Variants in ZNF223 observed in about 807,000 individuals in gnomAD.
ZNF223 encodes the protein Homo sapiens zinc finger protein 223.
ZNF223 carries 9 observed loss-of-function variants against 12.3 expected under a neutral mutation model. That is an observed-to-expected ratio of 0.73 (90% CI 0.44 to 1.28). ZNF223 has a LOEUF of 1.28. Among genes scored for constraint, ZNF223 ranks in the 50% most tolerant of loss-of-function variants. The pLI, the probability that ZNF223 is intolerant of heterozygous loss-of-function variation, is 0.00. For missense variants in ZNF223, 506 were observed against 579.0 expected, an observed-to-expected ratio of 0.87 and a Z score of 1.29; for synonymous variants, 171 against 195.2, an observed-to-expected ratio of 0.88 and a Z score of 1.03.
Position 44,067,106 on chromosome 19 carries a change from A to G in ZNF223, c.1278A>G (p.Lys426=), listed in dbSNP as rs557853223. The change falls in exon 5 of 5, where the codon AAA becomes AAG. Residue 426 remains lysine, a synonymous_variant. Coordinates refer to ENST00000434772, the MANE Select transcript of ZNF223 (RefSeq NM_013361.6). ...ATAAGAGACTCCATTGCCGAAAAAA[A>G]CCATTCAAATGTGAGGATTGTGGAA... ...LNHKRLHCRK[K]PFKCEDCGKK... 35 of 1,613,520 alleles carry G rather than the reference A, an allele frequency of 2.2e-5. No homozygotes were observed. In the South Asian group the frequency reaches 2.9e-4, roughly 13 times the overall value.
intron 4 of ZNF223, among the ~76,000 whole-genome samples, chr19:44,062,729 T>G (rs1669886991): frequency 1.3e-5 from 2 of 152,152 alleles, no homozygotes; most frequent in African/African-American, 4.8e-5. Context: ...CATATTTATA[T>G]CTGAGAAGAA....
At chr19:44,060,193 G>T (rs1311655386) in intron 2 of ZNF223, among the ~76,000 whole-genome samples, 2 of 152,010 alleles carry the variant, frequency 1.3e-5, no homozygotes, top group African/African-American at 4.8e-5. Flanking sequence ...GACTCCTAGG[G>T]GGCTACATAC....
At chr19:44,056,264 C>T (rs1976762149) in intron 2 of ZNF223, among the ~76,000 whole-genome samples, 1 of 150,924 alleles carries the variant, frequency 6.6e-6, no homozygotes, top group Admixed American at 6.6e-5. Context: ...ACCTGTAATC[C>T]CAGCACTTTT....
At position 44,067,324 on chromosome 19, in the gene ZNF223, A is replaced by G. The variant is rs1568516482; in HGVS notation, c.*47A>G. The G allele has an allele frequency of 1.3e-6, 2 of 1,501,974 alleles. No individual in the cohort carries two copies. Among genetic ancestry groups the G allele is most frequent in the South Asian group, 2.4e-5 (2 of 85,064 alleles). 93.0% of individuals were successfully genotyped at this position (1,501,974 alleles called of 1,614,324 possible). A position where few individuals can be genotyped will look rare whatever the true frequency, so the allele number is the denominator to read the frequency against. ...TACAGTGTGATATTTAAATATATGT[A>G]TATGATGTATAATGATCAAATCAGT... On this transcript the variant is annotated 3_prime_UTR_variant, in exon 5 of 5. Transcript: ENST00000434772.
intron 4 of ZNF223, among the ~76,000 whole-genome samples, chr19:44,065,577 C>CTTTTTT (rs758805971): frequency 8.8e-6 from 1 of 113,776 alleles, no homozygotes; most frequent in African/African-American, 3.1e-5. Flanking sequence ...TCTTTCTTTT[C>CTTTTTT]TTTTTTTTTT....
At chr19:44,056,061 A>G (rs565448940) in intron 2 of ZNF223, among the ~76,000 whole-genome samples, 5 of 152,188 alleles carry the variant, frequency 3.3e-5, no homozygotes, top group East Asian at 3.9e-4. Context: ...GATGACATCC[A>G]TAGGTGGCGC....
Position 44,066,956 on chromosome 19 carries a change from G to A in ZNF223, c.1128G>A (p.Lys376=), listed in dbSNP as rs146299195. 2.4e-4 allele frequency: 391 copies of A among 1,614,152 alleles called. No individual in the cohort carries two copies. Among genetic ancestry groups the A allele is most frequent in the South Asian group, 4.6e-4 (42 of 91,084 alleles). ...GAGAAAAGCCATACAAATGTGACAA[G>A]TGTGGGAAGAGCTACATTACTAAGT... ...HTGEKPYKCD[K]CGKSYITKSG... The change falls in exon 5 of 5, where the codon AAG becomes AAA. Residue 376 remains lysine, a synonymous_variant. Coordinates refer to ENST00000434772, the MANE Select transcript of ZNF223 (RefSeq NM_013361.6).
Position 44,060,555 on chromosome 19 carries a change from A to G in ZNF223, c.116A>G (p.Glu39Gly), listed in dbSNP as rs1976823905. 6.2e-7 allele frequency: 1 copy of G among 1,614,138 alleles called. No homozygotes were observed. Among genetic ancestry groups the G allele is most frequent in the African/African-American group, 1.3e-5 (1 of 75,028 alleles). Residue 39 changes from glutamate (E) to glycine (G), a missense_variant, in exon 3 of 5, where the codon GAG becomes GGG. By Grantham distance (98) the Glu-to-Gly change is moderately conservative. Transcript: ENST00000434772. ...QRKLYRDVML[E>G]NFRNLLSVGH... ...AAGCTGTATCGAGATGTGATGCTGG[A>G]GAACTTCAGGAACCTGCTGTCAGTG...
At position 44,066,865 on chromosome 19, in the gene ZNF223, G is replaced by A; in HGVS notation, c.1037G>A (p.Cys346Tyr). Residue 346 changes from cysteine (C) to tyrosine (Y), a missense_variant, in exon 5 of 5, where the codon TGT becomes TAT. Coordinates refer to ENST00000434772, the MANE Select transcript of ZNF223 (RefSeq NM_013361.6). ...TIHTGEKPYN[C>Y]KECGKSFRRS... ...CACACAGGAGAGAAACCATATAATT[G>A]TAAAGAATGTGGGAAGAGCTTCAGA... 6.2e-7 allele frequency: 1 copy of A among 1,614,208 alleles called. No homozygotes were observed. The highest frequency in any genetic ancestry group is 8.5e-7 in the Non-Finnish European group (1 of 1,180,054).
rs761626180 is a variant in ZNF223, at chr19:44,066,640, A to C, written c.812A>C (p.His271Pro). 11 of 1,614,210 alleles carry C rather than the reference A, an allele frequency of 6.8e-6. No individual in the cohort carries two copies. In the Admixed American group the frequency reaches 1.2e-4, roughly 17 times the overall value. ...NCEACGRAFI[H>P]DFQLQKHQRI... Reference sequence around the variant, plus strand: ...GAGGCATGTGGGAGGGCCTTCATTCATGATTTCCAGCTTCAGAAACATCAG... The same window carrying C: ...GAGGCATGTGGGAGGGCCTTCATTCCTGATTTCCAGCTTCAGAAACATCAG... Residue 271 changes from histidine to proline, a missense_variant, in exon 5 of 5, where the codon CAT becomes CCT. Physicochemically the swap from His to Pro is moderately conservative, Grantham distance 77 (BLOSUM62 -2). Transcript: ENST00000434772.
At position 44,058,237 on chromosome 19, in the gene ZNF223, TCTGCACCCCAACTGTC is replaced by T. The variant is rs149732064; in HGVS notation, c.16-2212_16-2197del. Reference sequence around the variant, plus strand: ...ATAAAGGGGAGAGAGCTGGGTGGGGTCTGCACCCCAACTGTCCTGCAGTCCATCCCCTGACCCAGAT... The same window carrying T: ...ATAAAGGGGAGAGAGCTGGGTGGGGTCTGCAGTCCATCCCCTGACCCAGAT... On this transcript the variant is annotated intron_variant, in intron 2 of 4. Transcript: ENST00000434772. Among the ~76,000 whole-genome samples the T allele has an allele frequency of 2.1e-3, 313 of 152,114 alleles. 3 individuals are homozygous for T. The highest frequency in any genetic ancestry group is 7.3e-3 in the African/African-American group (303 of 41,510).
rs781661826 is a variant in ZNF223 at position 44,067,269 on chromosome 19, G to T, written c.1441G>T (p.Asp481Tyr). 1.9e-6 allele frequency: 3 copies of T among 1,606,178 alleles called. No individual in the cohort carries two copies. In the African/African-American group the frequency reaches 4.0e-5, roughly 22 times the overall value. ...TATAATTTTATCATTATTTTTAAAT[G>T]ACACGTAAGTGTTGTACATATTTAT... ...LDIILSLFLN[D>Y]T Residue 481 changes from aspartate (D) to tyrosine (Y), a missense_variant, in exon 5 of 5, where the codon GAC (aspartate) becomes TAC (tyrosine). Physicochemically the swap from Asp to Tyr is radical, Grantham distance 160. Transcript: ENST00000434772.
At chr19:44,060,418 G>A (rs369091618) in intron 2 of ZNF223, 37 bp from the exon 3 acceptor site, 1 of 1,612,084 alleles carries the variant, frequency 6.2e-7, no homozygotes, top group African/African-American at 1.3e-5. Context: ...GTAACCATTG[G>A]TAGTGAGATT....
In ZNF223 at chr19:44,066,270, T is replaced by C; in HGVS notation, c.442T>C (p.Ser148Pro). ...TATAATGCACACAGGACAGAAACCT[T>C]CCAATTGTGGGAAGTGTAAACAATC... The part of the protein sequence containing the change: ...LSIMHTGQKP[S>P]NCGKCKQSFS... The change falls in exon 5 of 5, where the codon TCC becomes CCC. Residue 148 changes from serine to proline, a missense_variant. Physicochemically the swap from Ser to Pro is moderately conservative, Grantham distance 74 (BLOSUM62 -1). Transcript: ENST00000434772. The C allele has an allele frequency of 6.2e-7, 1 of 1,614,212 alleles. No homozygotes were observed. The highest frequency in any genetic ancestry group is 8.5e-7 in the Non-Finnish European group (1 of 1,180,036).
intron 2 of ZNF223, among the ~76,000 whole-genome samples, chr19:44,056,895 C>T (rs1178794574): frequency 2.0e-5 from 3 of 151,926 alleles, no homozygotes; most frequent in East Asian, 1.9e-4. Context: ...GTGCCCGGCC[C>T]GCCTCACACA....
intron 2 of ZNF223, among the ~76,000 whole-genome samples, chr19:44,060,189 TA>T (rs1976817931): frequency 6.6e-6 from 1 of 152,178 alleles, no homozygotes; most frequent in African/African-American, 2.4e-5. Context: ...TTTAGACTCC[TA>T]GGGGGCTACA....
At position 44,066,785 on chromosome 19, in the gene ZNF223, G is replaced by A. The variant is rs201824392; in HGVS notation, c.957G>A (p.Gly319=). 234 of 1,614,012 alleles carry A rather than the reference G, an allele frequency of 1.4e-4. 1 individual carries two copies. Among genetic ancestry groups the A allele is most frequent in the Admixed American group, 3.7e-4 (22 of 59,992 alleles). The change falls in exon 5 of 5, where the codon GGG becomes GGA. Residue 319 remains glycine, a synonymous_variant. Coordinates refer to ENST00000434772, the MANE Select transcript of ZNF223 (RefSeq NM_013361.6). ...VHTGKKPNST[G]EYGKGFIRRL... is the part of the protein sequence containing the mutation. The stretch of plus-strand genomic sequence containing the variant: ...CAGGAAAGAAACCAAACAGCACTGG[G>A]GAATATGGAAAAGGCTTCATTCGTA...
rs147301799 is a variant in ZNF223, at chr19:44,053,719, C to T, written c.-68-1390C>T. 2.1e-3 allele frequency among the ~76,000 whole-genome samples: 316 copies of T among 152,286 alleles called. 1 individual carries two copies. The highest frequency in any genetic ancestry group is 7.0e-3 in the African/African-American group (291 of 41,564). ...GGACGGTCAGGTCTTTCCCTTCCCACGAGGCCATCTCTCAGGCTGTCTCAG... is the reference window on the plus strand; with the variant it reads ...GGACGGTCAGGTCTTTCCCTTCCCATGAGGCCATCTCTCAGGCTGTCTCAG... On this transcript the variant is annotated intron_variant, in intron 1 of 4. Coordinates refer to ENST00000434772, the MANE Select transcript of ZNF223 (RefSeq NM_013361.6).
At chr19:44,057,564 C>A (rs138901660) in intron 2 of ZNF223, among the ~76,000 whole-genome samples, 1 of 152,008 alleles carries the variant, frequency 6.6e-6, no homozygotes, top group Non-Finnish European at 1.5e-5. Context: ...TTCAAAATAC[C>A]GTATATTTCT....
Sources: gnomAD v4.1 joint callset for allele counts (sites outside exome capture counted in the v4.1 genomes callset) on GRCh38, gnomAD v4.1.1 for gene constraint, MANE v1.5 for transcripts, NCBI Gene and HGNC (gene_info 2026-07-23, HGNC 2026-07-21) for gene names.